Variants in SPP2 observed in about 807,000 individuals in gnomAD.
The protein encoded by SPP2 is secreted phosphoprotein 2.
Under a neutral mutation model 28.8 loss-of-function variants are expected in SPP2, and 34 were observed. The ratio of observed to expected loss-of-function variants is 1.18; its 90% CI spans 0.90 to 1.57. The LOEUF (loss-of-function observed/expected upper bound fraction) is 1.57, where lower values mean the gene tolerates loss of function less well. Among genes scored for constraint, SPP2 ranks in the 40% most tolerant of loss-of-function variants. SPP2 has a pLI of 0.00. For missense variants in SPP2, 269 were observed against 263.9 expected (o/e 1.02, Z -0.13); for synonymous variants, 96 against 89.4 (o/e 1.07, Z -0.42).
chr2:234,062,040 C>A (rs1395795858), intron 4 of SPP2, among the ~76,000 whole-genome samples: 2 of 152,186 alleles, frequency 1.3e-5, no homozygotes, highest in African/African-American at 4.8e-5. Context: ...TGACAAGGAC[C>A]AAGCTTATCA....
intron 6 of SPP2, among the ~76,000 whole-genome samples, chr2:234,069,605 CACTGGGTAGATCCCTTGGAGG>C (rs1409731187): frequency 1.3e-5 from 2 of 152,158 alleles, no homozygotes; most frequent in Non-Finnish European, 2.9e-5. Flanking sequence ...GTGTGACAAA[CACTGGGTAGATCCCTTGGAGG>C]ACTGAAAGAT....
intron 2 of SPP2, 73 bp downstream of exon 2, chr2:234,051,168 C>T (rs1313057571): frequency 6.4e-7 from 1 of 1,552,248 alleles, no homozygotes; most frequent in Non-Finnish European, 8.8e-7. Context: ...ATTGGATATA[C>T]TTTTAAGAAA....
rs557978181 is a variant in SPP2, at chr2:234,060,292, T to C, written c.334-77T>C. On this transcript the variant is annotated intron_variant, in intron 3 of 7. Coordinates refer to ENST00000168148, the MANE Select transcript of SPP2 (RefSeq NM_006944.3). ...TCATTTCGTCAAACCTGACATTTAT[T>C]TTCCTGATTTACTCAATGGAGGCTA... 4.0e-5 allele frequency: 38 copies of C among 959,348 alleles called. No individual in the cohort carries two copies. In the South Asian group the frequency reaches 5.1e-4, roughly 13 times the overall value. 59.4% of individuals were successfully genotyped at this position (959,348 alleles called of 1,614,324 possible). A position where few individuals can be genotyped will look rare whatever the true frequency, so the allele number is the denominator to read the frequency against.
At chr2:234,055,835 T>A (rs1412616198) in intron 2 of SPP2, among the ~76,000 whole-genome samples, 4 of 148,680 alleles carry the variant, frequency 2.7e-5, no homozygotes, top group Admixed American at 6.8e-5. Flanking sequence ...GCTGGGTTTT[T>A]AATTTTCTCC....
At chr2:234,065,727 C>A (rs1214210794) in intron 4 of SPP2, among the ~76,000 whole-genome samples, 2 of 152,122 alleles carry the variant, frequency 1.3e-5, no homozygotes, top group East Asian at 3.8e-4. Context: ...TTTTCTCCCC[C>A]TCTATGGGTT....
intron 2 of SPP2, among the ~76,000 whole-genome samples, chr2:234,054,298 G>A (rs970043396): frequency 6.6e-6 from 1 of 152,182 alleles, no homozygotes; most frequent in Non-Finnish European, 1.5e-5. Context: ...GACATGCCTA[G>A]GTCATGATTT....
rs116684699 is a variant in SPP2 at position 234,076,338 on chromosome 2, G to A, written c.*11-507G>A. ...CCCTCTGCTGGGATACAGTATCCCC[G>A]CCCCATCTTATCCTCCGAGTTCAGC... On this transcript the variant is annotated intron_variant, in intron 7 of 7. Transcript: ENST00000168148. Among the ~76,000 whole-genome samples, 924 of 152,094 alleles carry A rather than the reference G, an allele frequency of 6.1e-3. 8 individuals carry two copies. Among genetic ancestry groups the A allele is most frequent in the African/African-American group, 0.02 (850 of 41,488 alleles).
chr2:234,050,885 C>T lies in SPP2; in HGVS notation c.85+14C>T, dbSNP rs1559168869. On this transcript the variant is annotated intron_variant, in intron 1 of 7. Coordinates refer to ENST00000168148, the MANE Select transcript of SPP2 (RefSeq NM_006944.3). ...GGTCTTGCTCAGGTAAGGTATTCAC[C>T]AACCTGGCCACCTGCTCTGGATCAT... The T allele has an allele frequency of 1.2e-6, 2 of 1,613,914 alleles. No individual in the cohort carries two copies. Among genetic ancestry groups the T allele is most frequent in the East Asian group, 2.2e-5 (1 of 44,872 alleles).
At chr2:234,072,877 T>A (rs941529275) in intron 7 of SPP2, among the ~76,000 whole-genome samples, 1 of 152,206 alleles carries the variant, frequency 6.6e-6, no homozygotes, top group African/African-American at 2.4e-5. Flanking sequence ...TTCTTGTCCA[T>A]ACTAGACCAT....
chr2:234,061,264 G>A (rs1341234826), intron 4 of SPP2, among the ~76,000 whole-genome samples: 1 of 152,078 alleles, frequency 6.6e-6, no homozygotes, highest in Non-Finnish European at 1.5e-5. Context: ...GTCTCATGAG[G>A]GCAGGGAATG....
At chr2:234,068,873 A>G (rs971286213) in intron 6 of SPP2, among the ~76,000 whole-genome samples, 1 of 152,180 alleles carries the variant, frequency 6.6e-6, no homozygotes, top group African/African-American at 2.4e-5. Flanking sequence ...AAAATGTGGC[A>G]GCTTAAAACC....
At chr2:234,058,720 T>G (rs777117905) in intron 2 of SPP2, 116 bp from the exon 3 acceptor site, 142 of 1,201,628 alleles carry the variant, frequency 1.2e-4, no homozygotes, top group Non-Finnish European at 1.6e-4. Context: ...GATAATTTAT[T>G]GCTTTCATGG....
In SPP2 at chr2:234,060,349, C is replaced by A. The variant is rs757943898; in HGVS notation, c.334-20C>A. On this transcript the variant is annotated intron_variant, in intron 3 of 7. Transcript: ENST00000168148. ...TCCACAAACAGCTGAAGAGAGAACT[C>A]ACCCCTTTGTCTTTTCCAGTCCACA... 5 of 1,576,412 alleles carry A rather than the reference C, an allele frequency of 3.2e-6. No homozygotes were observed. Among genetic ancestry groups the A allele is most frequent in the Non-Finnish European group, 3.5e-6 (4 of 1,146,130 alleles).
At chr2:234,055,353 G>A (rs1208276535) in intron 2 of SPP2, among the ~76,000 whole-genome samples, 1 of 152,148 alleles carries the variant, frequency 6.6e-6, no homozygotes, top group Non-Finnish European at 1.5e-5. Flanking sequence ...TTCTATTAAG[G>A]CCTTTAACTG....
intron 2 of SPP2, among the ~76,000 whole-genome samples, chr2:234,052,563 A>G (rs1385748041): frequency 2.6e-5 from 4 of 152,194 alleles, no homozygotes; most frequent in Non-Finnish European, 5.9e-5. Context: ...CTCATGTGCC[A>G]TCTTGGTATA....
At position 234,050,834 on chromosome 2, in the gene SPP2, T is replaced by C. The variant is rs374261845; in HGVS notation, c.48T>C (p.Ile16=). Residue 16 remains isoleucine (I), a synonymous_variant, in exon 1 of 8, where the codon ATT becomes ATC. Transcript: ENST00000168148. ...TGACGATGATGATGAAGATATTGAT[T>C]ATGTTTGCTCTTGGAATGAACTACT... The part of the protein sequence containing the change: ...EKMTMMMKIL[I]MFALGMNYWS... The C allele has an allele frequency of 5.6e-5, 90 of 1,614,086 alleles. No homozygotes were observed. The East Asian group carries it at 7.1e-4, about 13-fold the overall frequency.
At chr2:234,070,075 A>C in intron 7 of SPP2, 52 bp downstream of exon 7, 2 of 1,449,854 alleles carry the variant, frequency 1.4e-6, no homozygotes, top group Non-Finnish European at 1.9e-6. Flanking sequence ...AGCTACGTGG[A>C]GTGAACGCCT....
intron 2 of SPP2, among the ~76,000 whole-genome samples, chr2:234,058,585 T>A (rs563574560): frequency 6.6e-6 from 1 of 152,230 alleles, no homozygotes; most frequent in Non-Finnish European, 1.5e-5. Context: ...GAAGCAATAC[T>A]GGCCTTGGAG....
intron 7 of SPP2, among the ~76,000 whole-genome samples, chr2:234,075,614 A>G (rs542486561): frequency 2.0e-5 from 3 of 152,142 alleles, no homozygotes; most frequent in East Asian, 1.9e-4. Flanking sequence ...CCCTGAAACC[A>G]TGATGTTACC....
Sources: gnomAD v4.1 joint callset for allele counts (sites outside exome capture counted in the v4.1 genomes callset) on GRCh38, gnomAD v4.1.1 for gene constraint, MANE v1.5 for transcripts, NCBI Gene and HGNC (gene_info 2026-07-23, HGNC 2026-07-21) for gene names.